HELZ2: variants seen among roughly 807,000 people sequenced by gnomAD.
HELZ2 encodes the protein helicase with zinc finger 2.
A neutral mutation model predicts 208.8 loss-of-function variants in HELZ2; 143 were observed. The observed-to-expected ratio is 0.68, with a 90% CI of 0.60 to 0.79. The LOEUF is 0.79. HELZ2 is among the 30% of genes least tolerant of loss of function. The pLI is 0.00. For synonymous variants in HELZ2, 1,705 were observed against 1,693.7 expected (o/e 1.01, Z -0.16); for missense variants, 3,690 against 3,794.5 (o/e 0.97, Z 0.72).
intron 1 of HELZ2, 71 bp downstream of exon 2, chr20:63,572,037 C>T: frequency 6.7e-7 from 1 of 1,496,488 alleles, no homozygotes; most frequent in Non-Finnish European, 9.0e-7. Flanking sequence ...ACTCCAAGCT[C>T]CTGGGAACCT....
At chr20:63,570,647 A>AGGCCCCCCCCCCCCCC in intron 2 of HELZ2, 36 bp from the exon 4 acceptor site, 1 of 1,497,372 alleles carries the variant, frequency 6.7e-7, no homozygotes, top group Non-Finnish European at 9.2e-7. Context: ...AGAGGCCTGG[A>AGGCCCCCCCCCCCCCC]CCCCACCCCA....
Position 63,568,497 on chromosome 20 carries a change from GGCCCCAGCCCGCGATGAGC to G in HELZ2, c.1572_1590del (p.Ile526GlyfsTer72). ...GGGGGGACACGCCTCCCATCCCCAG[GGCCCCAGCCCGCGATGAGC>G]GCCACGGCCAGCTCCTGCTTGCGGT... On this transcript the variant is annotated frameshift_variant, in exon 5 of 19. Transcript: ENST00000467148. LOFTEE classifies it high-confidence loss of function. 1 of 1,586,644 alleles carries G rather than the reference GGCCCCAGCCCGCGATGAGC, an allele frequency of 6.3e-7. No homozygotes were observed. Among genetic ancestry groups the G allele is most frequent in the Non-Finnish European group, 8.6e-7 (1 of 1,168,694 alleles).
Position 63,559,381 on chromosome 20 carries a change from G to GGGAGTC in HELZ2, c.7826-17_7826-12dup. ...GAAGGAGGTGGTCTCCTGTGAGGGT[G>GGGAGTC]GGAGTCAGATGGGAGTCAGTCAGGG... is the stretch of plus-strand genomic sequence containing the variant. On this transcript the variant is annotated splice_polypyrimidine_tract_variant and intron_variant, in intron 18 of 18. Transcript: ENST00000467148. 6.3e-7 allele frequency: 1 copy of GGGAGTC among 1,586,824 alleles called. No individual in the cohort carries two copies. The highest frequency in any genetic ancestry group is 8.6e-7 in the Non-Finnish European group (1 of 1,162,820).
chr20:63,564,974 A>T, exon 8 of HELZ2: 4 of 1,604,590 alleles, frequency 2.5e-6, no homozygotes, highest in Non-Finnish European at 3.4e-6. Context: ...CACCTCCCGG[A>T]CGATGCCCAG....
upstream of HELZ2, chr20:63,572,696 C>T (rs1388682803): frequency 5.4e-6 from 2 of 368,872 alleles, no homozygotes; most frequent in Non-Finnish European, 9.8e-6. Context: ...CCGGCCTGCC[C>T]CTCCCTGGGC....
At chr20:63,571,718 C>G (rs2083017069) in intron 1 of HELZ2, 1 of 69,806 alleles carries the variant, frequency 1.4e-5, no homozygotes. Flanking sequence ...GGGCTCCTGC[C>G]CCGCTCCAAG....
intron 18 of HELZ2, among the ~76,000 whole-genome samples, chr20:63,559,702 C>T (rs1182700033): frequency 1.1e-5 from 1 of 89,648 alleles, no homozygotes; most frequent in African/African-American, 4.1e-5. Context: ...TGGGAGGAGT[C>T]AGGGTCAGGT....
intron 1 of HELZ2, chr20:63,571,533 AACCTCT>A (rs2083015967): frequency 3.8e-6 from 1 of 263,380 alleles, no homozygotes; most frequent in Non-Finnish European, 7.6e-6. Context: ...AGCTCCTGGG[AACCTCT>A]GGCTCTGCCT....
exon 8 of HELZ2, chr20:63,564,629 G>T (rs1162181445): frequency 6.4e-7 from 1 of 1,566,914 alleles, no homozygotes; most frequent in East Asian, 2.4e-5. Flanking sequence ...CCTGCCGGGG[G>T]CATAGAACGC....
chr20:63,561,696 C>T (rs1347372134), exon 12 of HELZ2: 3 of 1,612,326 alleles, frequency 1.9e-6, no homozygotes, highest in Non-Finnish European at 1.7e-6. Context: ...CCTCAGCCTG[C>T]TCACTGTACA....
At chr20:63,572,042 G>A in intron 1 of HELZ2, 66 bp downstream of exon 2, 1 of 1,501,396 alleles carries the variant, frequency 6.7e-7, no homozygotes, top group South Asian at 1.3e-5. Flanking sequence ...AAGCTCCTGG[G>A]AACCTCTGGT....
At chr20:63,564,865 C>A (rs1250565736) in exon 8 of HELZ2, 1 of 1,612,104 alleles carries the variant, frequency 6.2e-7, no homozygotes, top group African/African-American at 1.3e-5. Flanking sequence ...ATTTCTGCAG[C>A]ACCTTGGTGA....
chr20:63,567,350 C>T (rs757768748), exon 6 of HELZ2: 2 of 1,604,280 alleles, frequency 1.2e-6, no homozygotes, highest in African/African-American at 2.7e-5. Flanking sequence ...AGCATCTGGG[C>T]CGCCTCATCG....
intron 3 of HELZ2, among the ~76,000 whole-genome samples, 191 bp from the exon 5 acceptor site, chr20:63,569,856 C>T (rs928098165): frequency 3.3e-5 from 5 of 152,246 alleles, no homozygotes; most frequent in Admixed American, 2.0e-4. Flanking sequence ...TGGCTGAACC[C>T]TCCTGGGGCC....
chr20:63,562,445 C>A (rs1180513749), intron 8 of HELZ2, 63 bp from the exon 10 acceptor site: 4 of 1,524,362 alleles, frequency 2.6e-6, no homozygotes, highest in Non-Finnish European at 2.6e-6. Flanking sequence ...TGCTGCCCCA[C>A]GAGCTCCCCC....
chr20:63,567,033 G>T, exon 6 of HELZ2: 1 of 1,612,038 alleles, frequency 6.2e-7, no homozygotes, highest in African/African-American at 1.3e-5. Context: ...GGTAGTGCCG[G>T]GGGTGGGGCG....
exon 12 of HELZ2, chr20:63,561,730 C>T (rs1600968620): frequency 1.1e-5 from 17 of 1,605,638 alleles, no homozygotes; most frequent in Non-Finnish European, 1.4e-5. Flanking sequence ...CAGCTCCATC[C>T]TTCTCAGGAG....
At chr20:63,559,176 TG>T, downstream of HELZ2, 1 of 1,063,912 alleles carries the variant, frequency 9.4e-7, no homozygotes, top group Non-Finnish European at 1.2e-6. Context: ...TGGCGGAGGG[TG>T]GTGGGGAGGG....
chr20:63,564,905 A>C, exon 8 of HELZ2: 2 of 1,612,102 alleles, frequency 1.2e-6, no homozygotes, highest in Non-Finnish European at 1.7e-6. Context: ...GGGCACCCTC[A>C]AGCTGTACTC....
Sources: allele counts gnomAD v4.1 joint callset (sites outside exome capture counted in the v4.1 genomes callset), GRCh38; gene constraint gnomAD v4.1.1; transcripts MANE v1.5; gene names NCBI Gene and HGNC (gene_info 2026-07-23, HGNC 2026-07-21).